SDHAF3: variants seen among roughly 807,000 people sequenced by gnomAD.
SDHAF3 encodes succinate dehydrogenase assembly factor 3, mitochondrial.
A neutral mutation model predicts 11.5 loss-of-function variants in SDHAF3; 18 were observed. The ratio of observed to expected loss-of-function variants is 1.56; its 90% CI spans 1.08 to 2.32. SDHAF3 has a LOEUF of 2.32. SDHAF3 is among the 30% of genes most tolerant of loss of function. SDHAF3 has a pLI of 0.00. For synonymous variants in SDHAF3, 72 were observed against 59.3 expected, an observed-to-expected ratio of 1.21 and a Z score of -0.99; for missense variants, 200 against 154.4, an observed-to-expected ratio of 1.30 and a Z score of -1.57.
chr7:97,134,314 A>T (rs935838545), intron 1 of SDHAF3, among the ~76,000 whole-genome samples: 1 of 152,212 alleles, frequency 6.6e-6, no homozygotes, highest in African/African-American at 2.4e-5. Flanking sequence ...TATTTATTTT[A>T]TAAGCTATAG....
intron 1 of SDHAF3, among the ~76,000 whole-genome samples, chr7:97,161,312 C>A (rs1424339200): frequency 6.6e-6 from 1 of 152,204 alleles, no homozygotes; most frequent in South Asian, 2.1e-4. Flanking sequence ...TGTCAGGACA[C>A]TACCCCATCA....
At chr7:97,122,836 A>G (rs1791522099) in intron 1 of SDHAF3, among the ~76,000 whole-genome samples, 3 of 152,232 alleles carry the variant, frequency 2.0e-5, no homozygotes, top group South Asian at 2.1e-4. Context: ...CCTTTTGGGT[A>G]TAAGTTGGTC....
chr7:97,118,678 T>A (rs1791446881), intron 1 of SDHAF3, among the ~76,000 whole-genome samples: 1 of 152,010 alleles, frequency 6.6e-6, no homozygotes, highest in Admixed American at 6.6e-5. Context: ...GAGATTGGAA[T>A]GACAGCTCAG....
intron 1 of SDHAF3, among the ~76,000 whole-genome samples, chr7:97,140,793 A>G (rs968718271): frequency 3.3e-5 from 5 of 152,178 alleles, no homozygotes; most frequent in African/African-American, 7.2e-5. Context: ...TAACTGCACA[A>G]ATTGTTTGTA....
intron 1 of SDHAF3, among the ~76,000 whole-genome samples, chr7:97,166,731 G>A (rs1789511237): frequency 6.7e-6 from 1 of 148,830 alleles, no homozygotes; most frequent in Non-Finnish European, 1.5e-5. Flanking sequence ...CCAAGAGAAG[G>A]GGCCAGTTAG....
intron 1 of SDHAF3, among the ~76,000 whole-genome samples, chr7:97,174,724 G>A (rs1789654525): frequency 6.6e-6 from 1 of 152,184 alleles, no homozygotes; most frequent in Non-Finnish European, 1.5e-5. Flanking sequence ...TACCACCGAG[G>A]TGATACATCC....
intron 1 of SDHAF3, among the ~76,000 whole-genome samples, chr7:97,177,234 A>G (rs1259561634): frequency 2.6e-5 from 4 of 152,032 alleles, no homozygotes; most frequent in Non-Finnish European, 4.4e-5. Flanking sequence ...CAGGCACAGT[A>G]GCTCAGGCCT....
chr7:97,144,410 T>A (rs945339381), intron 1 of SDHAF3, among the ~76,000 whole-genome samples: 1 of 152,210 alleles, frequency 6.6e-6, no homozygotes, highest in African/African-American at 2.4e-5. Flanking sequence ...TAGAAAGGTT[T>A]TTCCAGTGTT....
chr7:97,180,746 C>G (rs1789757601), intron 1 of SDHAF3, among the ~76,000 whole-genome samples: 1 of 152,150 alleles, frequency 6.6e-6, no homozygotes, highest in Non-Finnish European at 1.5e-5. Context: ...GCTTCTGAAG[C>G]CCATCCAGGG....
chr7:97,161,293 C>G (rs556699991), intron 1 of SDHAF3, among the ~76,000 whole-genome samples: 1 of 152,262 alleles, frequency 6.6e-6, no homozygotes, highest in African/African-American at 2.4e-5. Flanking sequence ...TTTTACCTTA[C>G]AGTGGGTTTG....
At chr7:97,167,536 G>T (rs924571980) in intron 1 of SDHAF3, among the ~76,000 whole-genome samples, 2 of 152,108 alleles carry the variant, frequency 1.3e-5, no homozygotes, top group Non-Finnish European at 2.9e-5. Flanking sequence ...TTATCAAAAC[G>T]GGAATTGCCA....
chr7:97,152,999 T>C (rs1016732267), intron 1 of SDHAF3, among the ~76,000 whole-genome samples: 15 of 152,212 alleles, frequency 9.9e-5, no homozygotes, highest in African/African-American at 3.6e-4. Context: ...GCAAATTTGT[T>C]AGTTTTACAA....
chr7:97,161,828 G>A (rs1789416180), intron 1 of SDHAF3, among the ~76,000 whole-genome samples: 1 of 152,134 alleles, frequency 6.6e-6, no homozygotes. Context: ...TTTATCCAGT[G>A]TATCATCAAT....
At chr7:97,167,609 C>T (rs767436038) in intron 1 of SDHAF3, among the ~76,000 whole-genome samples, 38 of 152,156 alleles carry the variant, frequency 2.5e-4, no homozygotes, top group Non-Finnish European at 4.1e-4. Flanking sequence ...TTATTCAAAT[C>T]AATCTCTCCA....
At position 97,175,762 on chromosome 7, in the gene SDHAF3, A is replaced by G. The variant is rs372502852; in HGVS notation, c.175-5250A>G. 1.5e-4 allele frequency among the ~76,000 whole-genome samples: 23 copies of G among 152,340 alleles called. 1 individual carries two copies. The highest frequency in any genetic ancestry group is 5.1e-4 in the African/African-American group (21 of 41,584). ...GCCTTTTCAAAAACTCTAGTGGGAAACAGTATAGCATGAACGTTAGTTTTT... is the reference window on the plus strand; with the variant it reads ...GCCTTTTCAAAAACTCTAGTGGGAAGCAGTATAGCATGAACGTTAGTTTTT... On this transcript the variant is annotated intron_variant, in intron 1 of 1. Transcript: ENST00000432641.
At chr7:97,176,782 T>A (rs62499478) in intron 1 of SDHAF3, among the ~76,000 whole-genome samples, 1 of 152,078 alleles carries the variant, frequency 6.6e-6, no homozygotes, top group African/African-American at 2.4e-5. Context: ...TTATAAATTA[T>A]ACCCTAAGTG....
At chr7:97,159,417 T>A (rs1440523631) in intron 1 of SDHAF3, among the ~76,000 whole-genome samples, 3 of 152,204 alleles carry the variant, frequency 2.0e-5, no homozygotes, top group African/African-American at 7.2e-5. Context: ...TTTTGGTTAG[T>A]CTGTTGTTTT....
intron 1 of SDHAF3, among the ~76,000 whole-genome samples, chr7:97,131,697 T>C (rs1791673032): frequency 6.6e-6 from 1 of 152,214 alleles, no homozygotes; most frequent in Non-Finnish European, 1.5e-5. Flanking sequence ...GGGATTAATA[T>C]GTGATTGGTC....
intron 1 of SDHAF3, among the ~76,000 whole-genome samples, chr7:97,123,031 G>A (rs1040104973): frequency 6.6e-6 from 1 of 151,970 alleles, no homozygotes; most frequent in Non-Finnish European, 1.5e-5. Context: ...TGAACATGCA[G>A]GTTTGTTACA....
Sources: allele counts gnomAD v4.1 joint callset (sites outside exome capture counted in the v4.1 genomes callset), GRCh38; gene constraint gnomAD v4.1.1; transcripts MANE v1.5; gene names NCBI Gene and HGNC (gene_info 2026-07-23, HGNC 2026-07-21).